Variants in ASIC2 observed in about 807,000 individuals in gnomAD.
ASIC2 encodes the protein acid sensing ion channel subunit 2.
A neutral mutation model predicts 57.3 loss-of-function variants in ASIC2; 25 were observed. The ratio of observed to expected loss-of-function variants is 0.44; its 90% CI spans 0.32 to 0.61. The LOEUF (loss-of-function observed/expected upper bound fraction) is 0.61, where lower values mean the gene tolerates loss of function less well. Ranked by LOEUF, ASIC2 falls within the 20% of genes least tolerant of loss-of-function variation. The pLI is 0.06. For missense variants in ASIC2, 641 were observed against 738.1 expected (o/e 0.87, Z 1.52); for synonymous variants, 319 against 307.5 (o/e 1.04, Z -0.39).
At chr17:33,562,859 C>T (rs1916117920) in intron 1 of ASIC2, among the ~76,000 whole-genome samples, 1 of 152,178 alleles carries the variant, frequency 6.6e-6, no homozygotes, top group Admixed American at 6.5e-5. Context: ...ATGTGGATCC[C>T]ACACTCAGAC....
intron 1 of ASIC2, among the ~76,000 whole-genome samples, chr17:33,927,954 A>C (rs1326480420): frequency 2.0e-5 from 3 of 152,228 alleles, no homozygotes; most frequent in Non-Finnish European, 4.4e-5. Flanking sequence ...AAGAGGTATC[A>C]GCTGTTTGAT....
At chr17:34,133,023 G>A (rs1912036603) in intron 1 of ASIC2, among the ~76,000 whole-genome samples, 1 of 152,102 alleles carries the variant, frequency 6.6e-6, no homozygotes, top group South Asian at 2.1e-4. Context: ...ATTGTGAGAG[G>A]GAACTGAGAT....
At chr17:33,575,344 G>A (rs977193503) in intron 1 of ASIC2, among the ~76,000 whole-genome samples, 3 of 152,218 alleles carry the variant, frequency 2.0e-5, no homozygotes, top group Non-Finnish European at 4.4e-5. Context: ...GCCATAGACT[G>A]TCATTATAAT....
chr17:33,068,799 C>T (rs2092055129), intron 3 of ASIC2, among the ~76,000 whole-genome samples: 1 of 151,884 alleles, frequency 6.6e-6, no homozygotes, highest in Non-Finnish European at 1.5e-5. Context: ...ATCTTTTGGC[C>T]TCCTTGTTTT....
chr17:33,249,592 C>G (rs548777436), intron 1 of ASIC2, among the ~76,000 whole-genome samples: 1 of 152,146 alleles, frequency 6.6e-6, no homozygotes, highest in Non-Finnish European at 1.5e-5. Flanking sequence ...TGAATAAACA[C>G]GTCAGTGGTG....
At chr17:33,749,012 C>T (rs1239252183) in intron 1 of ASIC2, among the ~76,000 whole-genome samples, 4 of 152,152 alleles carry the variant, frequency 2.6e-5, no homozygotes, top group Non-Finnish European at 4.4e-5. Flanking sequence ...AGCCTAAGAA[C>T]ACTTGGCTGC....
At chr17:33,730,343 A>T (rs568095470) in intron 1 of ASIC2, among the ~76,000 whole-genome samples, 1 of 152,340 alleles carries the variant, frequency 6.6e-6, no homozygotes, top group Non-Finnish European at 1.5e-5. Flanking sequence ...TCCTGGGATG[A>T]CAGTGAGGTC....
intron 1 of ASIC2, among the ~76,000 whole-genome samples, chr17:33,606,563 T>C (rs945581057): frequency 1.1e-4 from 16 of 152,214 alleles, no homozygotes; most frequent in Non-Finnish European, 1.5e-5. Flanking sequence ...GCTTCTATTT[T>C]TATGTTTATT....
At chr17:33,606,942 T>G (rs1029325605) in intron 1 of ASIC2, among the ~76,000 whole-genome samples, 4 of 152,220 alleles carry the variant, frequency 2.6e-5, no homozygotes, top group Non-Finnish European at 4.4e-5. Flanking sequence ...CCTCTGCTGA[T>G]TCTCCACCAG....
At chr17:33,134,734 C>G (rs1401388641) in intron 1 of ASIC2, among the ~76,000 whole-genome samples, 6 of 152,200 alleles carry the variant, frequency 3.9e-5, no homozygotes, top group Non-Finnish European at 8.8e-5. Context: ...GCCTTGCTCT[C>G]CCACTTGGCT....
At chr17:33,581,539 A>C (rs1335414640) in intron 1 of ASIC2, 2 of 152,236 alleles carry the variant, frequency 1.3e-5, no homozygotes, top group Non-Finnish European at 2.9e-5. Flanking sequence ...GGACTGAAAC[A>C]TAGGAACGAA....
At chr17:33,560,248 GGAAGA>G (rs1350560636) in intron 1 of ASIC2, among the ~76,000 whole-genome samples, 2 of 152,178 alleles carry the variant, frequency 1.3e-5, no homozygotes, top group Admixed American at 1.3e-4. Flanking sequence ...AAACCCTAAA[GGAAGA>G]GAAAACAGAT....
intron 3 of ASIC2, among the ~76,000 whole-genome samples, chr17:33,043,101 AT>A (rs1035672961): frequency 1.3e-5 from 2 of 151,972 alleles, no homozygotes; most frequent in African/African-American, 4.8e-5. Flanking sequence ...TAATTTTTGT[AT>A]TTTTAGTAGA....
At chr17:34,080,442 G>A (rs1478020564) in intron 1 of ASIC2, among the ~76,000 whole-genome samples, 1 of 152,202 alleles carries the variant, frequency 6.6e-6, no homozygotes, top group African/African-American at 2.4e-5. Context: ...CAAACTTAGA[G>A]CTGGTGAGCT....
At chr17:33,754,685 G>A (rs950178577) in intron 1 of ASIC2, among the ~76,000 whole-genome samples, 2 of 152,064 alleles carry the variant, frequency 1.3e-5, no homozygotes, top group Admixed American at 6.5e-5. Flanking sequence ...AGGCTGGTGC[G>A]GTGGCTCACG....
chr17:33,473,189 C>G (rs978486853), intron 1 of ASIC2, among the ~76,000 whole-genome samples: 6 of 152,232 alleles, frequency 3.9e-5, no homozygotes, highest in African/African-American at 9.6e-5. Context: ...GGCCCTGGGG[C>G]AGGGACTGGC....
chr17:33,732,461 T>C (rs2142091772), intron 1 of ASIC2, among the ~76,000 whole-genome samples: 1 of 152,130 alleles, frequency 6.6e-6, no homozygotes, highest in East Asian at 1.9e-4. Context: ...TCCATGTTCT[T>C]TTGTTACATA....
intron 1 of ASIC2, among the ~76,000 whole-genome samples, chr17:33,322,274 C>T (rs760632667): frequency 6.6e-6 from 1 of 152,128 alleles, no homozygotes; most frequent in Admixed American, 6.5e-5. Flanking sequence ...TGAATCACCC[C>T]GGTCTGCCTT....
At chr17:34,097,656 GTT>G (rs937185130) in intron 1 of ASIC2, among the ~76,000 whole-genome samples, 1 of 152,120 alleles carries the variant, frequency 6.6e-6, no homozygotes, top group African/African-American at 2.4e-5. Flanking sequence ...TATATCACTA[GTT>G]TTTTTGTGGT....
Sources: gnomAD v4.1 joint callset for allele counts (sites outside exome capture counted in the v4.1 genomes callset) on GRCh38, gnomAD v4.1.1 for gene constraint, MANE v1.5 for transcripts, NCBI Gene and HGNC (gene_info 2026-07-23, HGNC 2026-07-21) for gene names.